IFIH1: variants seen among roughly 807,000 people sequenced by gnomAD.
The protein encoded by IFIH1 is interferon-induced helicase C domain-containing protein 1.
In IFIH1, 125 loss-of-function variants were observed where a neutral mutation model predicts 107.4. The observed-to-expected ratio is 1.16, with a 90% CI of 1.01 to 1.35. The LOEUF (loss-of-function observed/expected upper bound fraction) is 1.35, where lower values mean the gene tolerates loss of function less well. IFIH1 is among the 40% of genes most tolerant of loss of function. IFIH1 has a pLI of 0.00. For synonymous variants in IFIH1, 458 were observed against 413.2 expected (o/e 1.11, Z -1.31); for missense variants, 1,333 against 1,213.7 (o/e 1.10, Z -1.46).
rs369245661 is a variant in IFIH1, at chr2:162,280,047, G to A, written c.1590C>T (p.Asn530=). The stretch of plus-strand genomic sequence containing the variant: ...ACTTCTTGCATGGCTCCTGTATTTG[G>A]TTTTTCAGTTGATCAAGGTTTTCTT... The part of the protein sequence containing the change: ...TVKENLDQLK[N]QIQEPCKKFA... The change falls in exon 8 of 16, where the codon AAC becomes AAT. Residue 530 remains asparagine (N), a synonymous_variant. Coordinates refer to ENST00000649979, the MANE Select transcript of IFIH1 (RefSeq NM_022168.4). The A allele has an allele frequency of 1.2e-6, 2 of 1,611,522 alleles. No homozygotes were observed. Among genetic ancestry groups the A allele is most frequent in the Admixed American group, 3.3e-5 (2 of 59,808 alleles).
At chr2:162,276,993 C>T (rs370731980) in intron 10 of IFIH1, 47 bp from the exon 11 acceptor site, 21 of 1,416,986 alleles carry the variant, frequency 1.5e-5, no homozygotes, top group Non-Finnish European at 1.9e-5. Flanking sequence ...TTGATTTAGC[C>T]ACTCCACAAT....
Position 162,277,676 on chromosome 2 carries a change from G to A in IFIH1, c.1783C>T (p.Arg595Cys), listed in dbSNP as rs191839015. 50 of 1,602,278 alleles carry A rather than the reference G, an allele frequency of 3.1e-5. No individual in the cohort carries two copies. Among genetic ancestry groups the A allele is most frequent in the South Asian group, 1.6e-4 (14 of 88,714 alleles). The stretch of plus-strand genomic sequence containing the variant: ...TGTTCTGCACAAACACGTTCTTTGC[G>A]ATTTCCTTCTTTTGCAGCTGTGAAA... Reference protein sequence around the residue: ...MEKKAAKEGNRKERVCAEHLR... With the variant: ...MEKKAAKEGNCKERVCAEHLR... The change falls in exon 10 of 16, where the codon CGC (arginine) becomes TGC (cysteine). Residue 595 changes from arginine to cysteine, a missense_variant. By Grantham distance (180) the Arg-to-Cys change is radical (BLOSUM62 -3). Transcript: ENST00000649979.
chr2:162,286,975 G>A (rs976770077), intron 5 of IFIH1, among the ~76,000 whole-genome samples: 1 of 151,900 alleles, frequency 6.6e-6, no homozygotes, highest in African/African-American at 2.4e-5. Flanking sequence ...GTACCGGTAG[G>A]TAGAAATAGG....
intron 4 of IFIH1, among the ~76,000 whole-genome samples, chr2:162,293,145 CTAGT>C (rs1216869301): frequency 1.3e-5 from 2 of 151,948 alleles, no homozygotes; most frequent in African/African-American, 2.4e-5. Context: ...TATGTAATTT[CTAGT>C]TAGTCATACT....
rs1682827216 is a variant in IFIH1, at chr2:162,282,440, A to G, written c.1232T>C (p.Ile411Thr). The change falls in exon 6 of 16, where the codon ATC (isoleucine) becomes ACC (threonine). Residue 411 changes from isoleucine to threonine, a missense_variant. Coordinates refer to ENST00000649979, the MANE Select transcript of IFIH1 (RefSeq NM_022168.4). ...GTTTTCAAGGATTTGAGCTGTACTG[A>G]TAATAATATCACAGGACTTGACAAC... ...PEVVKSCDII[I>T]STAQILENSL... The G allele has an allele frequency of 6.2e-7, 1 of 1,612,216 alleles. No homozygotes were observed. The highest frequency in any genetic ancestry group is 1.1e-5 in the South Asian group (1 of 91,026).
chr2:162,267,633 G>A (rs1272518482), intron 14 of IFIH1, 64 bp from the exon 15 acceptor site: 11 of 1,186,588 alleles, frequency 9.3e-6, no homozygotes, highest in Non-Finnish European at 1.3e-5. Context: ...TGTAGTTCAT[G>A]GGTTATTGGA....
chr2:162,270,027 T>A (rs1480190750), intron 13 of IFIH1, among the ~76,000 whole-genome samples: 1 of 152,068 alleles, frequency 6.6e-6, no homozygotes, highest in Non-Finnish European at 1.5e-5. Context: ...GAAATGTGTA[T>A]GAATGAGTCA....
rs970956085 is a variant in IFIH1, at chr2:162,273,954, C to T, written c.2305-10G>A. 7 of 1,554,468 alleles carry T rather than the reference C, an allele frequency of 4.5e-6. No homozygotes were observed. The African/African-American group carries it at 6.9e-5, about 15-fold the overall frequency. On this transcript the variant is annotated splice_polypyrimidine_tract_variant and intron_variant, in intron 11 of 15. Transcript: ENST00000649979. ...CTTCTTTTTGTTCATTCTGTAGAAACATTTTAATAAATTAAATTTTGTGAT... is the reference window on the plus strand; with the variant it reads ...CTTCTTTTTGTTCATTCTGTAGAAATATTTTAATAAATTAAATTTTGTGAT...
chr2:162,306,656 G>T, intron 3 of IFIH1, 53 bp downstream of exon 3: 3 of 1,512,122 alleles, frequency 2.0e-6, no homozygotes, highest in Non-Finnish European at 1.8e-6. Context: ...TGCCCAGTTG[G>T]TTTTTCTGGA....
rs2105192046 is a variant in IFIH1, at chr2:162,272,393, A to T, written c.2455-6T>A. ...GCTCTGGCTCGACCACGGGCCTGAA[A>T]ACACAAATAAATCAAGTAAATGAAA... On this transcript the variant is annotated splice_polypyrimidine_tract_variant and splice_region_variant and intron_variant, in intron 12 of 15. Coordinates refer to ENST00000649979, the MANE Select transcript of IFIH1 (RefSeq NM_022168.4). 2.5e-6 allele frequency: 4 copies of T among 1,609,528 alleles called. No individual in the cohort carries two copies. The highest frequency in any genetic ancestry group is 3.4e-6 in the Non-Finnish European group (4 of 1,178,182).
chr2:162,290,304 A>G (rs1449246718), intron 4 of IFIH1, among the ~76,000 whole-genome samples: 1 of 151,848 alleles, frequency 6.6e-6, no homozygotes, highest in East Asian at 1.9e-4. Context: ...GCTTACTACT[A>G]TATCCTTGAA....
intron 1 of IFIH1, among the ~76,000 whole-genome samples, chr2:162,314,314 T>C (rs1288659357): frequency 6.6e-6 from 1 of 152,076 alleles, no homozygotes; most frequent in Non-Finnish European, 1.5e-5. Flanking sequence ...GTATTTAGAA[T>C]AGTCCCTTGT....
chr2:162,311,937 A>G (rs1315138181), intron 1 of IFIH1, among the ~76,000 whole-genome samples: 1 of 152,196 alleles, frequency 6.6e-6, no homozygotes, highest in Non-Finnish European at 1.5e-5. Flanking sequence ...CCCCTAAAAG[A>G]TTATGATTTA....
At chr2:162,284,849 T>C (rs1264168833) in intron 5 of IFIH1, among the ~76,000 whole-genome samples, 1 of 152,032 alleles carries the variant, frequency 6.6e-6, no homozygotes, top group Non-Finnish European at 1.5e-5. Context: ...ACACTCATGC[T>C]GAATGATTTA....
At chr2:162,284,955 T>G (rs771842744) in intron 5 of IFIH1, among the ~76,000 whole-genome samples, 5 of 151,968 alleles carry the variant, frequency 3.3e-5, no homozygotes, top group East Asian at 1.9e-4. Flanking sequence ...CACCTTCTGA[T>G]GTACAGAACA....
intron 3 of IFIH1, among the ~76,000 whole-genome samples, chr2:162,303,929 T>C (rs1446503194): frequency 2.0e-5 from 3 of 152,078 alleles, no homozygotes; most frequent in African/African-American, 7.2e-5. Context: ...TAGTGTGGAT[T>C]TACAGAAAAT....
chr2:162,268,194 T>C lies in IFIH1; in HGVS notation c.2700A>G (p.Pro900=). 1 of 1,612,664 alleles carries C rather than the reference T, an allele frequency of 6.2e-7. No individual in the cohort carries two copies. Among genetic ancestry groups the C allele is most frequent in the Non-Finnish European group, 8.5e-7 (1 of 1,178,686 alleles). ...TTTTGCAAAGGAAAGTTATTAGTGA[T>C]GGGTTATTCTTGTAATGCTTGGCAA... ...RNIAKHYKNN[P]SLITFLCKNC... The change falls in exon 14 of 16, where the codon CCA becomes CCG. Residue 900 remains proline, a synonymous_variant. Transcript: ENST00000649979.
intron 8 of IFIH1, 111 bp downstream of exon 8, chr2:162,279,885 G>T: frequency 2.8e-6 from 2 of 705,588 alleles, no homozygotes; most frequent in Non-Finnish European, 4.9e-6. Flanking sequence ...AAACTTGTTT[G>T]CTAAAATTTT....
rs990863437 is a variant in IFIH1 at position 162,267,094 on chromosome 2, T to A, written c.*106A>T. 3.5e-6 allele frequency: 3 copies of A among 858,808 alleles called. No individual in the cohort carries two copies. The Admixed American group carries it at 8.4e-5, about 24-fold the overall frequency. 53.2% of individuals were successfully genotyped at this position (858,808 alleles called of 1,614,324 possible). ...AAGAGTTCAATGCAGAGTAAAACAA[T>A]CATTTTATTGATTCTTATGTCAGTT... On this transcript the variant is annotated 3_prime_UTR_variant, in exon 16 of 16. Transcript: ENST00000649979.
Sources: gnomAD v4.1 joint callset for allele counts (sites outside exome capture counted in the v4.1 genomes callset) on GRCh38, gnomAD v4.1.1 for gene constraint, MANE v1.5 for transcripts, NCBI Gene and HGNC (gene_info 2026-07-23, HGNC 2026-07-21) for gene names.